PTPRD: variants seen among roughly 807,000 people sequenced by gnomAD.
PTPRD encodes receptor-type tyrosine-protein phosphatase delta.
Under a neutral mutation model 214.5 loss-of-function variants are expected in PTPRD, and 34 were observed. The ratio of observed to expected loss-of-function variants is 0.16; its 90% CI spans 0.12 to 0.21. The LOEUF (loss-of-function observed/expected upper bound fraction) is 0.21, where lower values mean the gene tolerates loss of function less well. Among genes scored for constraint, PTPRD ranks in the 10% least tolerant of loss-of-function variants. PTPRD has a pLI of 1.00. For missense variants in PTPRD, 2,545 were observed against 2,398.7 expected (o/e 1.06, Z -1.27); for synonymous variants, 1,128 against 845.7 (o/e 1.33, Z -5.79).
At chr9:9,162,017 G>T (rs1480515421) in intron 10 of PTPRD, among the ~76,000 whole-genome samples, 3 of 152,026 alleles carry the variant, frequency 2.0e-5, no homozygotes, top group African/African-American at 7.2e-5. Flanking sequence ...CATGATAAGG[G>T]ATTCAGCATT....
At chr9:9,156,004 C>T (rs542032590) in intron 10 of PTPRD, among the ~76,000 whole-genome samples, 15 of 152,096 alleles carry the variant, frequency 9.9e-5, no homozygotes, top group Non-Finnish European at 2.1e-4. Flanking sequence ...TACTAATAGG[C>T]TATAACAGCT....
chr9:9,529,773 A>C (rs1283252936), intron 8 of PTPRD, among the ~76,000 whole-genome samples: 1 of 151,916 alleles, frequency 6.6e-6, no homozygotes, highest in Non-Finnish European at 1.5e-5. Context: ...ATTCCTCTCT[A>C]GGTATTTACC....
At chr9:10,555,839 T>C (rs910130751) in intron 2 of PTPRD, among the ~76,000 whole-genome samples, 2 of 152,054 alleles carry the variant, frequency 1.3e-5, no homozygotes, top group Admixed American at 6.6e-5. Flanking sequence ...GTAAAAGACA[T>C]TGTAAATATT....
At chr9:8,599,081 C>T (rs761590597) in intron 14 of PTPRD, among the ~76,000 whole-genome samples, 2 of 152,106 alleles carry the variant, frequency 1.3e-5, no homozygotes, top group South Asian at 4.1e-4. Flanking sequence ...CTTTCCCAAG[C>T]TGTTCTCATG....
At chr9:8,386,624 G>T (rs542926222) in intron 37 of PTPRD, among the ~76,000 whole-genome samples, 7 of 152,238 alleles carry the variant, frequency 4.6e-5, no homozygotes, top group Non-Finnish European at 1.0e-4. Flanking sequence ...GAAGTTGGCT[G>T]CTGGGAATTG....
intron 10 of PTPRD, among the ~76,000 whole-genome samples, chr9:9,089,433 G>A (rs902515797): frequency 4.6e-5 from 7 of 152,248 alleles, no homozygotes; most frequent in East Asian, 1.9e-4. Context: ...GATTCAGTAC[G>A]AATATTAATA....
chr9:9,459,053 G>A (rs1196085962), intron 8 of PTPRD, among the ~76,000 whole-genome samples: 2 of 152,052 alleles, frequency 1.3e-5, no homozygotes, highest in Non-Finnish European at 2.9e-5. Context: ...GAGAGCCCAC[G>A]TGAAGAAGCT....
intron 5 of PTPRD, among the ~76,000 whole-genome samples, chr9:9,923,825 T>G (rs2083362445): frequency 6.6e-6 from 1 of 151,762 alleles, no homozygotes. Flanking sequence ...TCTGCAAATA[T>G]GAGGTATTGA....
rs192634402 is a variant in PTPRD at position 10,441,817 on chromosome 9, C to A, written c.-599-100800G>T. 3.8e-3 allele frequency among the ~76,000 whole-genome samples: 577 copies of A among 151,634 alleles called. 3 individuals are homozygous for A. The highest frequency in any genetic ancestry group is 0.013 in the African/African-American group (549 of 41,466). On this transcript the variant is annotated intron_variant, in intron 2 of 45. Coordinates refer to ENST00000381196, the MANE Select transcript of PTPRD (RefSeq NM_002839.4). ...CAAATAAATACACTAGTAATATATT[C>A]ATTTAGTATGTAAGAGGTATTCTCT...
intron 2 of PTPRD, among the ~76,000 whole-genome samples, chr9:10,485,302 T>G (rs1213117094): frequency 2.0e-5 from 3 of 152,080 alleles, no homozygotes; most frequent in Non-Finnish European, 4.4e-5. Context: ...ATGTGATACT[T>G]CCAATTTTAT....
chr9:10,256,395 C>CATT (rs2093279642), intron 3 of PTPRD, among the ~76,000 whole-genome samples: 1 of 144,624 alleles, frequency 6.9e-6, no homozygotes. Flanking sequence ...TGAATTACAG[C>CATT]TTTTTTTTTT....
intron 7 of PTPRD, among the ~76,000 whole-genome samples, chr9:9,635,736 T>C (rs1018083400): frequency 1.3e-5 from 2 of 152,202 alleles, no homozygotes; most frequent in Admixed American, 1.3e-4. Flanking sequence ...CCAGAAGTCA[T>C]TGTCAACACC....
At chr9:8,691,478 A>T (rs963240892) in intron 12 of PTPRD, among the ~76,000 whole-genome samples, 2 of 138,062 alleles carry the variant, frequency 1.4e-5, no homozygotes, top group African/African-American at 3.0e-5. Context: ...TAGCAGCAAC[A>T]TACAAAGGAG....
intron 11 of PTPRD, among the ~76,000 whole-genome samples, chr9:8,796,290 G>A (rs1002342715): frequency 8.6e-5 from 13 of 152,004 alleles, no homozygotes; most frequent in Admixed American, 7.9e-4. Flanking sequence ...TTTCCTTGGG[G>A]GATAAATATT....
intron 11 of PTPRD, among the ~76,000 whole-genome samples, chr9:8,897,337 G>C (rs931954565): frequency 7.2e-5 from 11 of 151,880 alleles, no homozygotes; most frequent in African/African-American, 2.7e-4. Context: ...TTCGTAGCAT[G>C]GTCAGAAGGT....
chr9:8,971,555 T>C lies in PTPRD; in HGVS notation c.-104+47142A>G, dbSNP rs1034931408. Among the ~76,000 whole-genome samples the C allele has an allele frequency of 2.0e-5, 3 of 151,848 alleles. No homozygotes were observed. The East Asian group carries it at 5.8e-4, about 29-fold the overall frequency. On this transcript the variant is annotated intron_variant, in intron 11 of 45. Transcript: ENST00000381196. ...ATAGGTAAGTGTTTAGGATGAGGTCTGCTACATAGTTAAAGTTCAATGAAC... is the reference window on the plus strand; with the variant it reads ...ATAGGTAAGTGTTTAGGATGAGGTCCGCTACATAGTTAAAGTTCAATGAAC...
chr9:8,370,223 CACACACACACACACAT>C (rs766236486), intron 39 of PTPRD, among the ~76,000 whole-genome samples: 12,820 of 81,708 alleles, frequency 0.16, 605 homozygotes, highest in Non-Finnish European at 0.21. Context: ...CACACACACA[CACACACACACACACAT>C]ATATATATAT....
chr9:9,332,087 T>A (rs1272810503), intron 9 of PTPRD, among the ~76,000 whole-genome samples: 2 of 152,002 alleles, frequency 1.3e-5, no homozygotes, highest in South Asian at 4.1e-4. Context: ...GTGAGGAGGA[T>A]CACTAAAGAC....
intron 8 of PTPRD, among the ~76,000 whole-genome samples, chr9:9,517,843 C>A (rs991677626): frequency 6.6e-5 from 10 of 151,968 alleles, no homozygotes; most frequent in African/African-American, 2.4e-4. Flanking sequence ...ACAATGCTTA[C>A]ACAAGTTATA....
Sources: allele counts gnomAD v4.1 joint callset (sites outside exome capture counted in the v4.1 genomes callset), GRCh38; gene constraint gnomAD v4.1.1; transcripts MANE v1.5; gene names NCBI Gene and HGNC (gene_info 2026-07-23, HGNC 2026-07-21).